Variants in PDP1 observed in about 807,000 individuals in gnomAD.
PDP1 encodes the protein pyruvate dehydrogenase phosphatase catalytic subunit 1.
A neutral mutation model predicts 37.1 loss-of-function variants in PDP1; 14 were observed. That is an observed-to-expected ratio of 0.38 (90% CI 0.25 to 0.59). PDP1 has a LOEUF of 0.59. Ranked by LOEUF, PDP1 falls within the 20% of genes least tolerant of loss-of-function variation. The pLI is 0.67. For synonymous variants in PDP1, 251 were observed against 243.3 expected, an observed-to-expected ratio of 1.03 and a Z score of -0.29; for missense variants, 544 against 655.3, an observed-to-expected ratio of 0.83 and a Z score of 1.85.
intron 1 of PDP1, 76 bp from the exon 2 acceptor site, chr8:93,921,940 A>G: frequency 9.4e-7 from 1 of 1,069,272 alleles, no homozygotes; most frequent in Non-Finnish European, 1.4e-6. Context: ...AATATTTGTT[A>G]TAAAGGCAAA....
rs775552151 is a variant in PDP1, at chr8:93,916,972, C to T, written c.-152C>T. 1.3e-5 allele frequency: 6 copies of T among 462,376 alleles called. No homozygotes were observed. The highest frequency in any genetic ancestry group is 3.3e-4 in the Middle Eastern group (1 of 2,988). 28.6% of individuals were successfully genotyped at this position (462,376 alleles called of 1,614,324 possible). A position where few individuals can be genotyped will look rare whatever the true frequency, so the allele number is the denominator to read the frequency against. ...AGAGTGGGCAGGCCGGGGGTGAGGG[C>T]TCGCGCTCCGGGAGCTGCACGGGGC... On this transcript the variant is annotated 5_prime_UTR_variant, in exon 1 of 2. Coordinates refer to ENST00000297598, the MANE Select transcript of PDP1 (RefSeq NM_018444.4).
Position 93,922,037 on chromosome 8 carries a change from G to T in PDP1, c.-23G>T, listed in dbSNP as rs746656680. ...CTAGGAATCCCAGTCAGAAGTTCCA[G>T]CCTGCCACTGTTCTCTGATGCCATG... On this transcript the variant is annotated 5_prime_UTR_variant, in exon 2 of 2. Transcript: ENST00000297598. The surrounding 1 kb of genome is among the most constrained non-coding windows in gnomAD (Gnocchi z 4.0). 1 of 1,596,258 alleles carries T rather than the reference G, an allele frequency of 6.3e-7. No homozygotes were observed. The highest frequency in any genetic ancestry group is 8.6e-7 in the Non-Finnish European group (1 of 1,167,866).
rs1249405051 is a variant in PDP1 at position 93,922,644 on chromosome 8, C to T, written c.585C>T (p.His195=). ...TACCCATTCTCCAGTGGCACAAGCA[C>T]CCCAATGATTACTTTAGTAAGGAGG... ...ALLPILQWHK[H]PNDYFSKEAS... is the part of the protein sequence containing the mutation. Residue 195 remains histidine (H), a synonymous_variant, in exon 2 of 2, where the codon CAC becomes CAT. Coordinates refer to ENST00000297598, the MANE Select transcript of PDP1 (RefSeq NM_018444.4). The surrounding 1 kb of genome is among the most constrained non-coding windows in gnomAD (Gnocchi z 4.0). 1.2e-6 allele frequency: 2 copies of T among 1,614,028 alleles called. No individual in the cohort carries two copies. Among genetic ancestry groups the T allele is most frequent in the Non-Finnish European group, 1.7e-6 (2 of 1,180,052 alleles).
At position 93,923,805 on chromosome 8, in the gene PDP1, C is replaced by T; in HGVS notation, c.*132C>T. ...TTACCCTTTTGATACTCTAGCTAGT[C>T]AGGTACTCCAAATTGACTTTGCAGC... On this transcript the variant is annotated 3_prime_UTR_variant, in exon 2 of 2. Coordinates refer to ENST00000297598, the MANE Select transcript of PDP1 (RefSeq NM_018444.4). The surrounding 1 kb of genome is among the most constrained non-coding windows in gnomAD (Gnocchi z 4.3). 2 of 807,802 alleles carry T rather than the reference C, an allele frequency of 2.5e-6. No individual in the cohort carries two copies. Among genetic ancestry groups the T allele is most frequent in the Middle Eastern group, 3.5e-4 (1 of 2,826 alleles). 50.0% of individuals were successfully genotyped at this position (807,802 alleles called of 1,614,324 possible). A position where few individuals can be genotyped will look rare whatever the true frequency, so the allele number is the denominator to read the frequency against.
In PDP1 at chr8:93,925,907, C is replaced by A. The variant is rs1482469709; in HGVS notation, c.*2234C>A. On this transcript the variant is annotated 3_prime_UTR_variant, in exon 2 of 2. Transcript: ENST00000297598. ...TCAGTGGTTCATGTTATATAATACA[C>A]CCTTAACTAGTTAAATGGAATGTTG... 6.0e-6 allele frequency: 1 copy of A among 166,864 alleles called. No homozygotes were observed. Among genetic ancestry groups the A allele is most frequent in the Non-Finnish European group, 1.5e-5 (1 of 68,102 alleles). The allele number at this position is 166,864 out of a possible 1,614,324, so 10.3% of individuals were successfully genotyped here.
intron 1 of PDP1, chr8:93,920,694 T>G: frequency 1.1e-6 from 1 of 930,296 alleles, no homozygotes; most frequent in South Asian, 5.0e-5. Context: ...ATTATTTGAC[T>G]ATACTGCTTC....
intron 1 of PDP1, chr8:93,920,472 T>G: frequency 1.1e-6 from 1 of 880,896 alleles, no homozygotes; most frequent in Non-Finnish European, 1.4e-6. Flanking sequence ...ATGACTATTT[T>G]GAAGCAGTAT....
In PDP1 at chr8:93,922,645, C is replaced by T. The variant is rs1810316414; in HGVS notation, c.586C>T (p.Pro196Ser). ...LLPILQWHKH[P>S]NDYFSKEASK... ...ACCCATTCTCCAGTGGCACAAGCAC[C>T]CCAATGATTACTTTAGTAAGGAGGC... The change falls in exon 2 of 2, where the codon CCC (proline) becomes TCC (serine). Residue 196 changes from proline to serine, a missense_variant. Pro to Ser is a moderately conservative substitution (Grantham distance 74). This residue lies in a region of PDP1 where 342 missense variants were observed against 414.0 expected (regional missense o/e 0.83). Coordinates refer to ENST00000297598, the MANE Select transcript of PDP1 (RefSeq NM_018444.4). The surrounding 1 kb of genome is among the most constrained non-coding windows in gnomAD (Gnocchi z 4.0). 1.2e-6 allele frequency: 2 copies of T among 1,614,086 alleles called. No homozygotes were observed. Among genetic ancestry groups the T allele is most frequent in the Non-Finnish European group, 1.7e-6 (2 of 1,180,022 alleles).
At position 93,922,163 on chromosome 8, in the gene PDP1, C is replaced by T; in HGVS notation, c.104C>T (p.Ser35Phe). The stretch of plus-strand genomic sequence containing the variant: ...TGCCACCACAAACATCTCTGTTGTT[C>T]CTCATCGTACATTCCTCAGAGTCGA... ...CYCHHKHLCC[S>F]SSYIPQSRLR... Residue 35 changes from serine (S) to phenylalanine (F), a missense_variant, in exon 2 of 2, where the codon TCC becomes TTC. By Grantham distance (155) the Ser-to-Phe change is radical. Coordinates refer to ENST00000297598, the MANE Select transcript of PDP1 (RefSeq NM_018444.4). This position sits in a 1 kb window ranked among gnomAD's most constrained non-coding sequence, Gnocchi z 4.0. 1 of 1,614,176 alleles carries T rather than the reference C, an allele frequency of 6.2e-7. No homozygotes were observed. Among genetic ancestry groups the T allele is most frequent in the Non-Finnish European group, 8.5e-7 (1 of 1,180,020 alleles).
In PDP1 at chr8:93,922,050, C is replaced by T; in HGVS notation, c.-10C>T. ...TCAGAAGTTCCAGCCTGCCACTGTTCTCTGATGCCATGCCAGCACCAACTC... is the reference window on the plus strand; with the variant it reads ...TCAGAAGTTCCAGCCTGCCACTGTTTTCTGATGCCATGCCAGCACCAACTC... On this transcript the variant is annotated 5_prime_UTR_variant, in exon 2 of 2. Transcript: ENST00000297598. This position sits in a 1 kb window ranked among gnomAD's most constrained non-coding sequence, Gnocchi z 4.0. 1.9e-6 allele frequency: 3 copies of T among 1,603,842 alleles called. No homozygotes were observed. The highest frequency in any genetic ancestry group is 2.6e-6 in the Non-Finnish European group (3 of 1,172,486).
chr8:93,920,840 C>A, intron 1 of PDP1: 6 of 667,902 alleles, frequency 9.0e-6, no homozygotes, highest in Non-Finnish European at 1.1e-5. Context: ...TGTTTCAGTG[C>A]ATGTATATAT....
rs878887056 is a variant in PDP1, at chr8:93,917,987, G to A, written c.-45+908G>A. 4 of 1,610,264 alleles carry A rather than the reference G, an allele frequency of 2.5e-6. No homozygotes were observed. In the Admixed American group the frequency reaches 5.0e-5, roughly 20 times the overall value. Reference sequence around the variant, plus strand: ...CTACCTGCGTTGGGTACCCAGGAAGGATGGTGACAGATTTTTGTGTATGGA... The same window carrying A: ...CTACCTGCGTTGGGTACCCAGGAAGAATGGTGACAGATTTTTGTGTATGGA... On this transcript the variant is annotated intron_variant, in intron 1 of 1. Transcript: ENST00000297598.
At chr8:93,921,154 C>T (rs979207986) in intron 1 of PDP1, 2 of 984,182 alleles carry the variant, frequency 2.0e-6, no homozygotes, top group Non-Finnish European at 2.4e-6. Context: ...AAAAACCTCA[C>T]TTCCATAAGC....
chr8:93,920,800 AATATT>A, intron 1 of PDP1: 2 of 707,748 alleles, frequency 2.8e-6, no homozygotes, highest in South Asian at 1.3e-4. Flanking sequence ...ATTGACACAT[AATATT>A]ATATATTTAT....
Position 93,925,321 on chromosome 8 carries a change from GTTT to G in PDP1, c.*1659_*1661del. 6.6e-6 allele frequency: 1 copy of G among 151,578 alleles called. No individual in the cohort carries two copies. The allele number at this position is 151,578 out of a possible 1,614,324, so 9.4% of individuals were successfully genotyped here. A position where few individuals can be genotyped will look rare whatever the true frequency, so the allele number is the denominator to read the frequency against. On this transcript the variant is annotated 3_prime_UTR_variant, in exon 2 of 2. Coordinates refer to ENST00000297598, the MANE Select transcript of PDP1 (RefSeq NM_018444.4). The stretch of plus-strand genomic sequence containing the variant: ...GAGGTGTTTTTGTTTTTATTTGTGT[GTTT>G]TTTTTTTTTTAAGTCAGCTTGGAAC...
At chr8:93,919,097 A>G (rs1810177718) in intron 1 of PDP1, 1 of 964,016 alleles carries the variant, frequency 1.0e-6, no homozygotes, top group Admixed American at 6.2e-5. Flanking sequence ...AATCTCAAGA[A>G]TTTTTGCCTT....
Position 93,923,674 on chromosome 8 carries a change from T to C in PDP1, c.*1T>C, listed in dbSNP as rs761761105. 2.5e-6 allele frequency: 4 copies of C among 1,608,174 alleles called. No homozygotes were observed. The highest frequency in any genetic ancestry group is 3.4e-6 in the Non-Finnish European group (4 of 1,174,708). ...AGGGGCGTATCAAAACCAAGAATAG[T>C]GAGTGGCTCTTTCACTGGCAATTCT... On this transcript the variant is annotated 3_prime_UTR_variant, in exon 2 of 2. Coordinates refer to ENST00000297598, the MANE Select transcript of PDP1 (RefSeq NM_018444.4). The surrounding 1 kb of genome is among the most constrained non-coding windows in gnomAD (Gnocchi z 4.3).
At position 93,922,646 on chromosome 8, in the gene PDP1, C is replaced by G. The variant is rs1416730296; in HGVS notation, c.587C>G (p.Pro196Arg). 1.9e-6 allele frequency: 3 copies of G among 1,614,112 alleles called. No individual in the cohort carries two copies. Among genetic ancestry groups the G allele is most frequent in the Non-Finnish European group, 1.7e-6 (2 of 1,180,032 alleles). ...LLPILQWHKH[P>R]NDYFSKEASK... is the part of the protein sequence containing the mutation. ...CCCATTCTCCAGTGGCACAAGCACC[C>G]CAATGATTACTTTAGTAAGGAGGCA... The change falls in exon 2 of 2, where the codon CCC becomes CGC. Residue 196 changes from proline to arginine, a missense_variant. Pro to Arg is a moderately radical substitution (Grantham distance 103). Coordinates refer to ENST00000297598, the MANE Select transcript of PDP1 (RefSeq NM_018444.4). The surrounding 1 kb of genome is among the most constrained non-coding windows in gnomAD (Gnocchi z 4.0).
In PDP1 at chr8:93,923,555, G is replaced by A. The variant is rs376060350; in HGVS notation, c.1496G>A (p.Arg499His). Residue 499 changes from arginine (R) to histidine (H), a missense_variant, in exon 2 of 2, where the codon CGC (arginine) becomes CAC (histidine). Coordinates refer to ENST00000297598, the MANE Select transcript of PDP1 (RefSeq NM_018444.4). This position sits in a 1 kb window ranked among gnomAD's most constrained non-coding sequence, Gnocchi z 4.3. ...GAGTTTGGGACTGTTGATCATGAGC[G>A]CCTCTCTAAAATGCTTAGTCTTCCT... ...NNEFGTVDHE[R>H]LSKMLSLPEE... 10 of 1,612,382 alleles carry A rather than the reference G, an allele frequency of 6.2e-6. No individual in the cohort carries two copies. The East Asian group carries it at 8.9e-5, about 14-fold the overall frequency.
Sources: allele counts gnomAD v4.1 joint callset, GRCh38; gene constraint gnomAD v4.1.1; regional missense constraint gnomAD v4.1.1; non-coding constraint Gnocchi (gnomAD v3.1); transcripts MANE v1.5; gene names NCBI Gene and HGNC (gene_info 2026-07-23, HGNC 2026-07-21).